The following ZNF75D variants were observed in gnomAD, a reference collection of about 807,000 sequenced individuals.
ZNF75D encodes zinc finger protein 75D.
ZNF75D carries 33 observed loss-of-function variants against 33.3 expected under a neutral mutation model. The ratio of observed to expected loss-of-function variants is 0.99; its 90% CI spans 0.75 to 1.32. ZNF75D has a LOEUF of 1.32. Among genes scored for constraint, ZNF75D ranks in the 40% most tolerant of loss-of-function variants. The pLI is 0.00. For synonymous variants in ZNF75D, 113 were observed against 130.6 expected (o/e 0.87, Z 0.92); for missense variants, 338 against 367.5 (o/e 0.92, Z 0.66).
intron 1 of ZNF75D, among the ~76,000 whole-genome samples, chrX:135,310,835 A>T (rs919513769): frequency 6.3e-5 from 7 of 111,515 alleles, no homozygotes; most frequent in African/African-American, 2.3e-4. Flanking sequence ...CCCTGCTCTG[A>T]TTCAGCATTG....
chrX:135,270,110 G>A (rs1359018676), intron 1 of ZNF75D, among the ~76,000 whole-genome samples: 2 of 108,874 alleles, frequency 1.8e-5, no homozygotes, highest in Non-Finnish European at 3.8e-5. Context: ...TACAGTGAGG[G>A]AGCAGTGAGG....
intron 1 of ZNF75D, among the ~76,000 whole-genome samples, chrX:135,256,458 A>G (rs1453894208): frequency 1.8e-5 from 2 of 111,922 alleles, no homozygotes; most frequent in Admixed American, 9.4e-5. Context: ...CCCTCGCCAG[A>G]AGAATCACCC....
chrX:135,304,013 A>G (rs1370376035), intron 1 of ZNF75D, among the ~76,000 whole-genome samples: 1 of 112,619 alleles, frequency 8.9e-6, no homozygotes, highest in South Asian at 3.7e-4. Context: ...GTAGCTTCTC[A>G]GCATTTCATC....
Position 135,293,880 on chromosome X carries a change from C to A in ZNF75D, c.261G>T (p.Gln87His), listed in dbSNP as rs1556421982. The A allele has an allele frequency of 9.1e-6, 11 of 1,210,202 alleles. No homozygotes were observed. Among genetic ancestry groups the A allele is most frequent in the Non-Finnish European group, 1.2e-5 (11 of 895,017 alleles). ...WLRPEIHSKEQILEMLVLEQF... is the reference protein window; with the variant it reads ...WLRPEIHSKEHILEMLVLEQF... ...GCTCTAACACCAGCATTTCCAAGAT[C>A]TGCTCTTTTGAGTGGATCTCTGGCC... The change falls in exon 3 of 7, where the codon CAG becomes CAT. Residue 87 changes from glutamine to histidine, a missense_variant. Gln to His is a conservative substitution (Grantham distance 24, BLOSUM62 0). Around this residue, in one of 3 missense-constraint regions of ZNF75D, gnomAD observed 254 missense variants for 267.7 expected, o/e 0.95. Transcript: ENST00000370766.
At chrX:135,274,558 T>G (rs1386089527) in intron 1 of ZNF75D, among the ~76,000 whole-genome samples, 2 of 111,844 alleles carry the variant, frequency 1.8e-5, no homozygotes, top group African/African-American at 6.5e-5. Context: ...ACTTTGAGGC[T>G]CTTACTTAGG....
chrX:135,335,089 T>A (rs782432557), intron 1 of ZNF75D, among the ~76,000 whole-genome samples: 23 of 111,334 alleles, frequency 2.1e-4, no homozygotes, highest in Middle Eastern at 4.6e-3. Context: ...AAGGACCTAC[T>A]TCTTTTTACT....
intron 1 of ZNF75D, among the ~76,000 whole-genome samples, chrX:135,325,883 G>A (rs1009516239): frequency 1.8e-5 from 2 of 112,874 alleles, no homozygotes; most frequent in Non-Finnish European, 1.9e-5. Flanking sequence ...TGCAGCCCCG[G>A]TGCAGGATCC....
chrX:135,305,288 C>T (rs1556425532), intron 1 of ZNF75D, among the ~76,000 whole-genome samples: 1 of 111,626 alleles, frequency 9.0e-6, no homozygotes, highest in Non-Finnish European at 1.9e-5. Flanking sequence ...CCAGTGCTAC[C>T]TGGGACTCCC....
chrX:135,289,702 C>T (rs1193888866), intron 6 of ZNF75D, among the ~76,000 whole-genome samples: 2 of 109,680 alleles, frequency 1.8e-5, no homozygotes, highest in African/African-American at 3.3e-5. Flanking sequence ...CAGTAAAATA[C>T]AGACTTAATT....
chrX:135,272,102 T>C (rs914846942), intron 1 of ZNF75D, among the ~76,000 whole-genome samples: 2 of 109,276 alleles, frequency 1.8e-5, no homozygotes, highest in Non-Finnish European at 1.9e-5. Context: ...ACTTATGGCA[T>C]CTGCATATCT....
intron 1 of ZNF75D, among the ~76,000 whole-genome samples, chrX:135,271,463 A>T (rs1240680772): frequency 8.9e-6 from 1 of 111,888 alleles, no homozygotes; most frequent in African/African-American, 3.3e-5. Flanking sequence ...AGTGCCTCTC[A>T]TTTGCAGATT....
At chrX:135,295,036 A>T (rs1296750061) in intron 2 of ZNF75D, among the ~76,000 whole-genome samples, 1 of 112,134 alleles carries the variant, frequency 8.9e-6, no homozygotes, top group Non-Finnish European at 1.9e-5. Flanking sequence ...GTTAAAAACA[A>T]AAAAGAAAGA....
At chrX:135,262,783 A>C (rs1395526036) in intron 1 of ZNF75D, among the ~76,000 whole-genome samples, 3 of 112,199 alleles carry the variant, frequency 2.7e-5, no homozygotes, top group Non-Finnish European at 3.8e-5. Flanking sequence ...GACCTTCCCA[A>C]GCCTACCTTT....
intron 1 of ZNF75D, among the ~76,000 whole-genome samples, chrX:135,329,385 GTGA>G (rs199746130): frequency 0.02 from 2,230 of 111,784 alleles, 17 homozygotes; most frequent in African/African-American, 0.022. Flanking sequence ...TTAGGCTCAA[GTGA>G]TGCATCAGCC....
At chrX:135,260,525 G>A (rs1423703297) in intron 1 of ZNF75D, among the ~76,000 whole-genome samples, 2 of 111,751 alleles carry the variant, frequency 1.8e-5, no homozygotes, top group African/African-American at 6.5e-5. Flanking sequence ...GGTCTTGGGA[G>A]GGTGTATGTG....
At chrX:135,258,432 T>G (rs2083820066) in intron 1 of ZNF75D, among the ~76,000 whole-genome samples, 1 of 111,174 alleles carries the variant, frequency 9.0e-6, no homozygotes, top group Non-Finnish European at 1.9e-5. Context: ...GTGTTCCTAT[T>G]TCTCCACATC....
At chrX:135,258,269 T>C (rs1273872008) in intron 1 of ZNF75D, among the ~76,000 whole-genome samples, 2 of 108,862 alleles carry the variant, frequency 1.8e-5, no homozygotes, top group African/African-American at 3.3e-5. Flanking sequence ...TGTGCATGTG[T>C]CTTTATAGTA....
intron 1 of ZNF75D, among the ~76,000 whole-genome samples, chrX:135,318,088 T>TATATA (rs201356298): frequency 2.4e-4 from 21 of 88,209 alleles, no homozygotes; most frequent in East Asian, 3.9e-4. Flanking sequence ...TATATATATA[T>TATATA]TTTTTTTTTT....
intron 1 of ZNF75D, among the ~76,000 whole-genome samples, chrX:135,260,629 T>C (rs1274118992): frequency 1.8e-5 from 2 of 112,213 alleles, no homozygotes; most frequent in African/African-American, 6.5e-5. Flanking sequence ...TTCTGTGGGA[T>C]CGGTGGTGAT....
Sources: allele counts gnomAD v4.1 joint callset (sites outside exome capture counted in the v4.1 genomes callset), GRCh38; gene constraint gnomAD v4.1.1; regional missense constraint gnomAD v4.1.1; transcripts MANE v1.5; gene names NCBI Gene and HGNC (gene_info 2026-07-23, HGNC 2026-07-21).